HMCN2: variants seen among roughly 807,000 people sequenced by gnomAD.
The protein encoded by HMCN2 is hemicentin 2.
In HMCN2, 325 loss-of-function variants were observed where a neutral mutation model predicts 377.5. The ratio of observed to expected loss-of-function variants is 0.86; its 90% confidence interval spans 0.79 to 0.94. HMCN2 has a LOEUF of 0.94. HMCN2 is among the 40% of genes least tolerant of loss of function. The probability of loss-of-function intolerance (pLI) is 0.00; values close to 1 mark genes in which losing one functional copy is unlikely to be tolerated. For synonymous variants in HMCN2, 2,007 were observed against 2,046.8 expected, an observed-to-expected ratio of 0.98 and a Z score of 0.53; for missense variants, 4,543 against 4,725.3, an observed-to-expected ratio of 0.96 and a Z score of 1.13.
At chr9:130,354,709 G>T in intron 31 of HMCN2, 54 bp from the exon 32 acceptor site, 1 of 1,241,622 alleles carries the variant, frequency 8.1e-7, no homozygotes, top group South Asian at 1.4e-5. Flanking sequence ...GCTGAGATGA[G>T]AGCAGGCTAG....
intron 40 of HMCN2, among the ~76,000 whole-genome samples, chr9:130,364,179 G>A (rs1840564122): frequency 6.6e-6 from 1 of 152,164 alleles, no homozygotes; most frequent in African/African-American, 2.4e-5. Flanking sequence ...ATCAGGTGGG[G>A]ATTTTCATTA....
intron 75 of HMCN2, 63 bp downstream of exon 75, chr9:130,398,770 C>A: frequency 8.0e-7 from 1 of 1,242,540 alleles, no homozygotes; most frequent in Non-Finnish European, 1.0e-6. Context: ...ACTCTCTTCT[C>A]ACGGGGGCAT....
chr9:130,403,149 T>C (rs1183910490), intron 78 of HMCN2, 45 bp from the exon 79 acceptor site: 1 of 1,269,774 alleles, frequency 7.9e-7, no homozygotes, highest in Admixed American at 2.4e-5. Context: ...GGAGGAGTTG[T>C]GTTAAGGACA....
chr9:130,355,762 G>C lies in HMCN2; in HGVS notation c.5163G>C (p.Leu1721=). 1 of 1,303,480 alleles carries C rather than the reference G, an allele frequency of 7.7e-7. No homozygotes were observed. Among genetic ancestry groups the C allele is most frequent in the Non-Finnish European group, 1.0e-6 (1 of 988,886 alleles). 80.7% of individuals were successfully genotyped at this position (1,303,480 alleles called of 1,614,324 possible). Residue 1721 remains leucine (L), a synonymous_variant, in exon 33 of 98, where the codon CTG becomes CTC. Transcript: ENST00000683500. Reference sequence around the variant, plus strand: ...TGCCTGCAGTGCCCCCACAGCTCCTGGTGGCTGAAGGCTTGGGACAGGTGA... The same window carrying C: ...TGCCTGCAGTGCCCCCACAGCTCCTCGTGGCTGAAGGCTTGGGACAGGTGA... ...SVEVQVPPQL[L]VAEGLGQVTT...
chr9:130,402,245 C>T (rs1219624862), intron 77 of HMCN2, among the ~76,000 whole-genome samples: 1 of 152,222 alleles, frequency 6.6e-6, no homozygotes, highest in Non-Finnish European at 1.5e-5. Flanking sequence ...CCCAGCAGGC[C>T]CCCAGGGGCC....
rs1009534427 is a variant in HMCN2, at chr9:130,395,911, C to T, written c.10912-13C>T. The T allele has an allele frequency of 7.0e-6, 9 of 1,284,272 alleles. No individual in the cohort carries two copies. The highest frequency in any genetic ancestry group is 2.3e-5 in the Admixed American group (1 of 43,346). 79.6% of individuals were successfully genotyped at this position (1,284,272 alleles called of 1,614,324 possible). A position where few individuals can be genotyped will look rare whatever the true frequency, so the allele number is the denominator to read the frequency against. ...ACTGATAAGGGTCTGTCCACCCTGG[C>T]GGGGCTCTCCAGGAGGACGCCCACA... On this transcript the variant is annotated splice_polypyrimidine_tract_variant and intron_variant, in intron 71 of 97. Transcript: ENST00000683500.
chr9:130,430,448 C>G lies in HMCN2; in HGVS notation c.14491C>G (p.Arg4831Gly), dbSNP rs761141062. ...ACAAAATGTGACCACCGTCAGCCAC[C>G]GAGGCCCTCTATTGCCCTGGCTGCG... ...NGQNVTTVSHRGPLLPWLRPW... is the reference protein window; with the variant it reads ...NGQNVTTVSHGGPLLPWLRPW... The change falls in exon 95 of 98, where the codon CGA becomes GGA. Residue 4831 changes from arginine (R) to glycine (G), a missense_variant. This residue lies in a region of HMCN2 where 1,155 missense variants were observed against 1,157.7 expected (regional missense o/e 1.00). Coordinates refer to ENST00000683500, the MANE Select transcript of HMCN2 (RefSeq NM_001291815.2). 4.5e-6 allele frequency: 7 copies of G among 1,550,598 alleles called. No homozygotes were observed. Among genetic ancestry groups the G allele is most frequent in the African/African-American group, 1.4e-5 (1 of 73,176 alleles).
At chr9:130,429,442 GAAA>G (rs1428900960) in intron 93 of HMCN2, 112 bp from the exon 94 acceptor site, 1 of 1,361,830 alleles carries the variant, frequency 7.3e-7, no homozygotes, top group East Asian at 2.6e-5. Flanking sequence ...TGGTGGCACT[GAAA>G]CTGGAGAAGG....
At position 130,379,350 on chromosome 9, in the gene HMCN2, G is replaced by A. The variant is rs551326369; in HGVS notation, c.8314G>A (p.Val2772Met). 7.1e-6 allele frequency: 7 copies of A among 985,752 alleles called. No individual in the cohort carries two copies. The South Asian group carries it at 1.4e-4, about 20-fold the overall frequency. The allele number at this position is 985,752 out of a possible 1,614,324, so 61.1% of individuals were successfully genotyped here. ...RGGVTEYREIVENNPAYLYCD... is the reference protein window; with the variant it reads ...RGGVTEYREIMENNPAYLYCD... Reference sequence around the variant, plus strand: ...CGGAGTCACGGAATACAGGGAGATCGTGGAGAACAACCCAGCCTACCTGTA... The same window carrying A: ...CGGAGTCACGGAATACAGGGAGATCATGGAGAACAACCCAGCCTACCTGTA... Residue 2772 changes from valine to methionine, a missense_variant, in exon 54 of 98, where the codon GTG becomes ATG. Coordinates refer to ENST00000683500, the MANE Select transcript of HMCN2 (RefSeq NM_001291815.2).
Position 130,299,121 on chromosome 9 carries a change from T to A in HMCN2, c.1109T>A (p.Leu370Gln). 2.1e-6 allele frequency: 1 copy of A among 471,178 alleles called. No individual in the cohort carries two copies. The highest frequency in any genetic ancestry group is 4.4e-6 in the Non-Finnish European group (1 of 227,020). The allele number at this position is 471,178 out of a possible 1,614,324, so 29.2% of individuals were successfully genotyped here. ...GCACAAAGCTCAGGGAAGCCCCTCCTGACTCTGCCCACGAAGCCCCTCTCC... is the reference window on the plus strand; with the variant it reads ...GCACAAAGCTCAGGGAAGCCCCTCCAGACTCTGCCCACGAAGCCCCTCTCC... ...ELAQSSGKPL[L>Q]TLPTKPLSNG... Residue 370 changes from leucine (L) to glutamine (Q), a missense_variant, in exon 8 of 98, where the codon CTG (leucine) becomes CAG (glutamine). Leu to Gln is a moderately radical substitution (Grantham distance 113, BLOSUM62 -2). This residue lies in a region of HMCN2 where 547 missense variants were observed against 189.9 expected (regional missense o/e 2.88). Coordinates refer to ENST00000683500, the MANE Select transcript of HMCN2 (RefSeq NM_001291815.2).
At chr9:130,300,007 C>A (rs905994472) in intron 8 of HMCN2, among the ~76,000 whole-genome samples, 22 of 151,290 alleles carry the variant, frequency 1.5e-4, no homozygotes, top group African/African-American at 4.9e-4. Context: ...ATGCATCCAT[C>A]CACTTACCCA....
intron 86 of HMCN2, among the ~76,000 whole-genome samples, chr9:130,421,446 C>T (rs1844004628): frequency 6.6e-6 from 1 of 152,122 alleles, no homozygotes; most frequent in Admixed American, 6.6e-5. Flanking sequence ...TCCTCCTTCC[C>T]CATCAGCCTG....
intron 15 of HMCN2, among the ~76,000 whole-genome samples, chr9:130,316,224 G>A (rs1001277964): frequency 7.9e-5 from 12 of 152,196 alleles, no homozygotes; most frequent in East Asian, 1.9e-4. Flanking sequence ...AGGAAGCAGC[G>A]TCAGGGACTG....
chr9:130,317,807 C>CAAAA (rs1377378722), intron 15 of HMCN2, among the ~76,000 whole-genome samples: 134,886 of 151,172 alleles, frequency 0.89, 60,487 homozygotes, highest in East Asian at 0.97. Flanking sequence ...ACAAAAAAAA[C>CAAAA]ACAAACAAAC....
In HMCN2 at chr9:130,269,266, CTTTT is replaced by C. The variant is rs56326154; in HGVS notation, c.259+3146_259+3149del. Among the ~76,000 whole-genome samples, 188 of 116,514 alleles carry C rather than the reference CTTTT, an allele frequency of 1.6e-3. 2 individuals carry two copies. The highest frequency in any genetic ancestry group is 3.0e-3 in the African/African-American group (102 of 33,586). 76.4% of individuals were successfully genotyped at this position (116,514 alleles called of 152,430 possible). ...AATCATTGCAAAAGAGCCCTGGTTC[CTTTT>C]TTTTTTTTTTTTTTTTGAAATTAGT... On this transcript the variant is annotated intron_variant, in intron 1 of 97. Transcript: ENST00000683500.
chr9:130,395,332 C>A lies in HMCN2; in HGVS notation c.10896C>A (p.Asp3632Glu). The A allele has an allele frequency of 3.1e-6, 4 of 1,288,538 alleles. No homozygotes were observed. The highest frequency in any genetic ancestry group is 4.0e-6 in the Non-Finnish European group (4 of 988,272). The allele number at this position is 1,288,538 out of a possible 1,614,324, so 79.8% of individuals were successfully genotyped here. A position where few individuals can be genotyped will look rare whatever the true frequency, so the allele number is the denominator to read the frequency against. The change falls in exon 71 of 98, where the codon GAC becomes GAA. Residue 3632 changes from aspartate (D) to glutamate (E), a missense_variant. Asp to Glu is a conservative substitution (Grantham distance 45, BLOSUM62 2). This residue lies in a region of HMCN2 where 1,073 missense variants were observed against 1,319.5 expected (regional missense o/e 0.81). Coordinates refer to ENST00000683500, the MANE Select transcript of HMCN2 (RefSeq NM_001291815.2). ...EPAPKITWHR[D>E]GIVLQEDAHT... is the part of the protein sequence containing the mutation. ...CGCCCAAGATCACGTGGCACCGAGA[C>A]GGCATTGTGCTGCAGGTGGGCGCCA...
At position 130,433,853 on chromosome 9, in the gene HMCN2, A is replaced by AC. The variant is rs1305784431; in HGVS notation, c.*165dup. On this transcript the variant is annotated 3_prime_UTR_variant, in exon 98 of 98. Coordinates refer to ENST00000683500, the MANE Select transcript of HMCN2 (RefSeq NM_001291815.2). ...CAACACGACCCTGCGCACAGCCTTG[A>AC]CCCCCGACAGCGAGGACCTGACCTC... 44 of 626,158 alleles carry AC rather than the reference A, an allele frequency of 7.0e-5. 1 individual carries two copies. The highest frequency in any genetic ancestry group is 5.3e-4 in the South Asian group (20 of 37,896). The allele number at this position is 626,158 out of a possible 1,614,324, so 38.8% of individuals were successfully genotyped here. A position where few individuals can be genotyped will look rare whatever the true frequency, so the allele number is the denominator to read the frequency against.
intron 22 of HMCN2, among the ~76,000 whole-genome samples, chr9:130,334,508 A>G (rs1838601002): frequency 6.8e-6 from 1 of 147,700 alleles, no homozygotes; most frequent in Admixed American, 6.8e-5. Flanking sequence ...GAAAGATAAG[A>G]TACCCACTTT....
chr9:130,407,779 A>G, intron 83 of HMCN2, 74 bp downstream of exon 83: 1 of 1,100,816 alleles, frequency 9.1e-7, no homozygotes, highest in Non-Finnish European at 1.1e-6. Flanking sequence ...TGGTTTCCTA[A>G]GAACCCAGCC....
Sources: gnomAD v4.1 joint callset for allele counts (sites outside exome capture counted in the v4.1 genomes callset) on GRCh38, gnomAD v4.1.1 for gene constraint, gnomAD v4.1.1 regional missense constraint, MANE v1.5 for transcripts, NCBI Gene and HGNC (gene_info 2026-07-23, HGNC 2026-07-21) for gene names.